Variants in TROAP observed in about 807,000 individuals in gnomAD.
TROAP encodes the protein trophinin associated protein, also known as tastin.
TROAP carries 62 observed loss-of-function variants against 83.4 expected under a neutral mutation model. The observed-to-expected ratio is 0.74, with a 90% CI of 0.61 to 0.92. The LOEUF is 0.92. Among genes scored for constraint, TROAP ranks in the 40% least tolerant of loss-of-function variants. TROAP has a pLI of 0.00. For missense variants in TROAP, 876 were observed against 985.1 expected (o/e 0.89, Z 1.48); for synonymous variants, 352 against 386.4 (o/e 0.91, Z 1.04).
intron 8 of TROAP, among the ~76,000 whole-genome samples, chr12:49,328,201 A>G (rs1396551591): frequency 1.5e-5 from 2 of 131,528 alleles, no homozygotes; most frequent in African/African-American, 5.5e-5. Flanking sequence ...AAGTGACATG[A>G]TTTGACTTAG....
chr12:49,328,291 C>T (rs1357844856), intron 8 of TROAP, among the ~76,000 whole-genome samples: 2 of 132,988 alleles, frequency 1.5e-5, no homozygotes, highest in Non-Finnish European at 3.1e-5. Flanking sequence ...ATGGCACGAT[C>T]TCCGCTCATT....
Position 49,326,093 on chromosome 12 carries a change from T to C in TROAP, c.651T>C (p.Pro217=). ...RLQALISPSG[P]SFHPSTRPSF... ...TGGATCAGATTTCACCTTCAGGACC[T>C]TCCTTTCACCCTTCCACTCGCCCCA... Residue 217 remains proline (P), a synonymous_variant, in exon 6 of 15, where the codon CCT becomes CCC. Coordinates refer to ENST00000257909, the MANE Select transcript of TROAP (RefSeq NM_005480.4). 1.2e-6 allele frequency: 2 copies of C among 1,613,894 alleles called. No homozygotes were observed. Among genetic ancestry groups the C allele is most frequent in the Non-Finnish European group, 1.7e-6 (2 of 1,180,022 alleles).
rs1340705546 is a variant in TROAP at position 49,326,668 on chromosome 12, G to A, written c.717G>A (p.Arg239=). The change falls in exon 7 of 15, where the codon CGG becomes CGA. Residue 239 remains arginine, a splice_region_variant and synonymous_variant. Coordinates refer to ENST00000257909, the MANE Select transcript of TROAP (RefSeq NM_005480.4). ...TGGCTAATGTCCTTATTGTCATCAGGACTTCAGTGAGCCAGGCCTCAGGAT... is the reference window on the plus strand; with the variant it reads ...TGGCTAATGTCCTTATTGTCATCAGAACTTCAGTGAGCCAGGCCTCAGGAT... ...ELRRETAGSS[R]TSVSQASGLL... is the part of the protein sequence containing the mutation. 13 of 1,556,798 alleles carry A rather than the reference G, an allele frequency of 8.4e-6. No individual in the cohort carries two copies. Among genetic ancestry groups the A allele is most frequent in the Admixed American group, 1.9e-5 (1 of 51,994 alleles).
At chr12:49,330,104 C>T (rs891501570) in intron 12 of TROAP, 41 bp from the exon 13 acceptor site, 1 of 1,607,250 alleles carries the variant, frequency 6.2e-7, no homozygotes. Flanking sequence ...CTACTGAACG[C>T]ACATCTTGAT....
At chr12:49,328,888 G>C (rs1447207009) in intron 8 of TROAP, 39 bp from the exon 9 acceptor site, 1 of 1,507,456 alleles carries the variant, frequency 6.6e-7, no homozygotes, top group East Asian at 2.3e-5. Context: ...GAAGACAAAG[G>C]GGGCGGGGAT....
chr12:49,329,077 C>T lies in TROAP; in HGVS notation c.1020+22C>T, dbSNP rs762294992. ...TCTGGTTTGTGTCAACAACTGGGGG[C>T]TGGGCAGGGGCAGAACAGTCTGGCC... On this transcript the variant is annotated intron_variant, in intron 9 of 14. Coordinates refer to ENST00000257909, the MANE Select transcript of TROAP (RefSeq NM_005480.4). This position sits in a 1 kb window ranked among gnomAD's most constrained non-coding sequence, Gnocchi z 4.5. The T allele has an allele frequency of 6.2e-7, 1 of 1,612,856 alleles. No individual in the cohort carries two copies. The highest frequency in any genetic ancestry group is 8.5e-7 in the Non-Finnish European group (1 of 1,179,010).
chr12:49,327,060 G>A (rs1460917061), intron 7 of TROAP, 149 bp from the exon 8 acceptor site: 1 of 929,630 alleles, frequency 1.1e-6, no homozygotes. Context: ...GATAGTGTTG[G>A]GTGTTGAGGG....
chr12:49,326,189 A>T (rs750170747), intron 6 of TROAP, 31 bp downstream of exon 6: 2 of 1,607,010 alleles, frequency 1.2e-6, no homozygotes, highest in Admixed American at 1.7e-5. Flanking sequence ...GGAGAAGGTC[A>T]TCTGGAAAAG....
At chr12:49,326,845 CAGAAGG>C (rs1186316902) in intron 7 of TROAP, 125 bp downstream of exon 7, 5 of 1,078,630 alleles carry the variant, frequency 4.6e-6, no homozygotes, top group South Asian at 1.5e-5. Context: ...GAGGCTAGGT[CAGAAGG>C]AGAAGGAGAA....
In TROAP at chr12:49,331,329, C is replaced by T. The variant is rs763324968; in HGVS notation, c.2214C>T (p.Thr738=). 1.2e-6 allele frequency: 2 copies of T among 1,614,186 alleles called. No individual in the cohort carries two copies. The highest frequency in any genetic ancestry group is 1.7e-6 in the Non-Finnish European group (2 of 1,180,044). ...ARLDDECAFY[T]SRAPPSGPTR... ...TGGACGATGAGTGTGCCTTTTACAC[C>T]AGCCGAGCCCCTCCCTCAGGCCCCA... The change falls in exon 14 of 15, where the codon ACC becomes ACT. Residue 738 remains threonine (T), a synonymous_variant. Coordinates refer to ENST00000257909, the MANE Select transcript of TROAP (RefSeq NM_005480.4).
rs752542864 is a variant in TROAP at position 49,323,954 on chromosome 12, T to A, written c.254T>A (p.Ile85Asn). 6.2e-7 allele frequency: 1 copy of A among 1,614,098 alleles called. No individual in the cohort carries two copies. Among genetic ancestry groups the A allele is most frequent in the Admixed American group, 1.7e-5 (1 of 60,008 alleles). ...QAETSQRLVG[I>N]SQPRNPLEEL... is the part of the protein sequence containing the mutation. ...GAGACATCACAAAGATTGGTGGGGA[T>A]CAGTCAGCCTCGGAACCCCTTGGAA... is the stretch of plus-strand genomic sequence containing the variant. Residue 85 changes from isoleucine (I) to asparagine (N), a missense_variant, in exon 3 of 15, where the codon ATC becomes AAC. Physicochemically the swap from Ile to Asn is moderately radical, Grantham distance 149 (BLOSUM62 -3). Coordinates refer to ENST00000257909, the MANE Select transcript of TROAP (RefSeq NM_005480.4).
rs753861986 is a variant in TROAP at position 49,324,004 on chromosome 12, C to A, written c.304C>A (p.Gln102Lys). The change falls in exon 3 of 15, where the codon CAA (glutamine) becomes AAA (lysine). Residue 102 changes from glutamine to lysine, a missense_variant. Around this residue, in one of 3 missense-constraint regions of TROAP, gnomAD observed 689 missense variants for 722.6 expected, o/e 0.95. Transcript: ENST00000257909. ...AGAGCTCAGGCCTAGCCCTAGGGGT[C>A]AAAATGTGGGGCCTGGGCCCCCTGC... is the stretch of plus-strand genomic sequence containing the variant. ...LEELRPSPRGQNVGPGPPAQT... is the reference protein window; with the variant it reads ...LEELRPSPRGKNVGPGPPAQT... 6.2e-7 allele frequency: 1 copy of A among 1,613,854 alleles called. No homozygotes were observed. Among genetic ancestry groups the A allele is most frequent in the Non-Finnish European group, 8.5e-7 (1 of 1,179,872 alleles).
At chr12:49,323,439 G>A (rs1290360056) in intron 1 of TROAP, 90 bp downstream of exon 1, 3 of 861,690 alleles carry the variant, frequency 3.5e-6, no homozygotes, top group Non-Finnish European at 5.3e-6. Context: ...GAGTAGGCTC[G>A]GGGTGTCTGG....
At chr12:49,327,880 T>TC (rs1943524152) in intron 8 of TROAP, among the ~76,000 whole-genome samples, 1 of 152,236 alleles carries the variant, frequency 6.6e-6, no homozygotes, top group African/African-American at 2.4e-5. Context: ...AGGGAACTCT[T>TC]ACTGAGAAGA....
In TROAP at chr12:49,328,788, C is replaced by T. The variant is rs943412328; in HGVS notation, c.892-139C>T. ...CTGAGGCAGGAGAATGGTGTGAACC[C>T]GGGATGCGGAGCTTGCAGTGAGCCA... On this transcript the variant is annotated intron_variant, in intron 8 of 14. Transcript: ENST00000257909. 7 of 1,206,280 alleles carry T rather than the reference C, an allele frequency of 5.8e-6. No homozygotes were observed. The South Asian group carries it at 7.7e-5, about 13-fold the overall frequency. 74.7% of individuals were successfully genotyped at this position (1,206,280 alleles called of 1,614,324 possible). A position where few individuals can be genotyped will look rare whatever the true frequency, so the allele number is the denominator to read the frequency against.
In TROAP at chr12:49,323,424, C is replaced by A. The variant is rs572641042; in HGVS notation, c.-6+75C>A. On this transcript the variant is annotated intron_variant, in intron 1 of 14. Coordinates refer to ENST00000257909, the MANE Select transcript of TROAP (RefSeq NM_005480.4). ...AGGAGGGCAGTTTGGGGCCCGAGGG[C>A]GAAAGAGTAGGCTCGGGGTGTCTGG... is the stretch of plus-strand genomic sequence containing the variant. 58 of 774,006 alleles carry A rather than the reference C, an allele frequency of 7.5e-5. No homozygotes were observed. In the African/African-American group the frequency reaches 9.6e-4, roughly 13 times the overall value. The allele number at this position is 774,006 out of a possible 1,614,324, so 47.9% of individuals were successfully genotyped here. A position where few individuals can be genotyped will look rare whatever the true frequency, so the allele number is the denominator to read the frequency against.
rs1943487527 is a variant in TROAP at position 49,325,663 on chromosome 12, T to C, written c.495+5T>C. 3.1e-6 allele frequency: 5 copies of C among 1,613,446 alleles called. No homozygotes were observed. In the East Asian group the frequency reaches 1.1e-4, roughly 36 times the overall value. On this transcript the variant is annotated splice_donor_5th_base_variant and intron_variant, in intron 4 of 14. Transcript: ENST00000257909. ...GGCACCACCCAGAGGGTCCAGGTAA[T>C]GAAACAGGATGTGAGGAGACCAGGC... is the stretch of plus-strand genomic sequence containing the variant.
Position 49,323,341 on chromosome 12 carries a change from C to G in TROAP, c.-14C>G. 2 of 417,736 alleles carry G rather than the reference C, an allele frequency of 4.8e-6. No individual in the cohort carries two copies. The highest frequency in any genetic ancestry group is 8.1e-5 in the South Asian group (2 of 24,712). The allele number at this position is 417,736 out of a possible 1,614,324, so 25.9% of individuals were successfully genotyped here. A position where few individuals can be genotyped will look rare whatever the true frequency, so the allele number is the denominator to read the frequency against. ...GGAAGCTGGGTAGGCCCTGAGGGGC[C>G]TCGGTAAGGTAAGGCACGGGGGTCT... On this transcript the variant is annotated 5_prime_UTR_variant, in exon 1 of 15. Coordinates refer to ENST00000257909, the MANE Select transcript of TROAP (RefSeq NM_005480.4).
In TROAP at chr12:49,331,265, C is replaced by T. The variant is rs369494282; in HGVS notation, c.2150C>T (p.Ser717Leu). ...RTLALRERLKSCLTAIHCFHE... is the reference protein window; with the variant it reads ...RTLALRERLKLCLTAIHCFHE... Reference sequence around the variant, plus strand: ...CTAGCCCTGAGGGAGCGCCTCAAATCGTGTTTAACCGCCATCCACTGCTTC... The same window carrying T: ...CTAGCCCTGAGGGAGCGCCTCAAATTGTGTTTAACCGCCATCCACTGCTTC... The change falls in exon 14 of 15, where the codon TCG becomes TTG. Residue 717 changes from serine (S) to leucine (L), a missense_variant. Physicochemically the swap from Ser to Leu is moderately radical, Grantham distance 145 (BLOSUM62 -2). Around this residue, in one of 3 missense-constraint regions of TROAP, gnomAD observed 184 missense variants for 238.3 expected, o/e 0.77. Transcript: ENST00000257909. 1.9e-6 allele frequency: 3 copies of T among 1,614,116 alleles called. No individual in the cohort carries two copies. The highest frequency in any genetic ancestry group is 1.3e-5 in the African/African-American group (1 of 74,936).
Sources: gnomAD v4.1 joint callset for allele counts (sites outside exome capture counted in the v4.1 genomes callset) on GRCh38, gnomAD v4.1.1 for gene constraint, gnomAD v4.1.1 regional missense constraint, Gnocchi (gnomAD v3.1) non-coding constraint, MANE v1.5 for transcripts, NCBI Gene and HGNC (gene_info 2026-07-23, HGNC 2026-07-21) for gene names.